FAM20A: variants seen among roughly 807,000 people sequenced by gnomAD.
The protein encoded by FAM20A is FAM20A golgi associated secretory pathway pseudokinase.
A neutral mutation model predicts 52.0 loss-of-function variants in FAM20A; 42 were observed. That is an observed-to-expected ratio of 0.81 (90% confidence interval 0.63 to 1.04). The LOEUF is 1.04. Among genes scored for constraint, FAM20A ranks in the 50% least tolerant of loss-of-function variants. FAM20A has a pLI of 0.00. For missense variants in FAM20A, 742 were observed against 712.7 expected (o/e 1.04, Z -0.47); for synonymous variants, 304 against 298.9 (o/e 1.02, Z -0.18).
intron 1 of FAM20A, among the ~76,000 whole-genome samples, chr17:68,562,052 C>G (rs8073895): frequency 0.37 from 56,060 of 152,002 alleles, 10,739 homozygotes; most frequent in East Asian, 0.55. Context: ...TTGAACTCCT[C>G]ATCTCAGGTG....
intron 2 of FAM20A, 68 bp downstream of exon 2, chr17:68,555,491 C>G: frequency 6.4e-7 from 1 of 1,571,970 alleles, no homozygotes; most frequent in Non-Finnish European, 8.7e-7. Context: ...GGAGCCTAGC[C>G]TGGGATGCTT....
chr17:68,538,556 T>TA (rs1430509046), intron 10 of FAM20A, among the ~76,000 whole-genome samples: 1 of 152,220 alleles, frequency 6.6e-6, no homozygotes, highest in African/African-American at 2.4e-5. Context: ...GGAAGTAAGT[T>TA]AGACATTCTC....
At chr17:68,598,616 T>C (rs1451927109) in intron 1 of FAM20A, among the ~76,000 whole-genome samples, 1 of 151,834 alleles carries the variant, frequency 6.6e-6, no homozygotes, top group Non-Finnish European at 1.5e-5. Flanking sequence ...TTTTTGCGAG[T>C]TTTTTTTGTC....
rs561708261 is a variant in FAM20A, at chr17:68,555,820, T to G, written c.405-77A>C. The G allele has an allele frequency of 2.7e-6, 4 of 1,488,838 alleles. No individual in the cohort carries two copies. The Admixed American group carries it at 6.8e-5, about 25-fold the overall frequency. 92.2% of individuals were successfully genotyped at this position (1,488,838 alleles called of 1,614,324 possible). A position where few individuals can be genotyped will look rare whatever the true frequency, so the allele number is the denominator to read the frequency against. ...CCAAGATACCTTGTCTGCAGTTTTT[T>G]ATTCATCCTTTCATTTATTCCACAA... On this transcript the variant is annotated intron_variant, in intron 1 of 10. Transcript: ENST00000592554.
At chr17:68,572,368 A>G (rs1409335189) in intron 1 of FAM20A, among the ~76,000 whole-genome samples, 5 of 152,136 alleles carry the variant, frequency 3.3e-5, no homozygotes, top group African/African-American at 1.2e-4. Context: ...TGCAATTCAC[A>G]ATCCAGGCGT....
Position 68,539,944 on chromosome 17 carries a change from A to G in FAM20A, c.1242T>C (p.Tyr414=), listed in dbSNP as rs200680124. Residue 414 remains tyrosine, a synonymous_variant, in exon 9 of 11, where the codon TAT becomes TAC. Transcript: ENST00000592554. ...CATCCCCGAACTTGGTGAACATCTC[A>G]TAATGGTGCCGGTCCATATTCCCTG... The part of the protein sequence containing the change: ...FLIGNMDRHH[Y]EMFTKFGDDG... 21 of 1,567,312 alleles carry G rather than the reference A, an allele frequency of 1.3e-5. No homozygotes were observed. The Admixed American group carries it at 3.4e-4, about 25-fold the overall frequency.
intron 1 of FAM20A, among the ~76,000 whole-genome samples, chr17:68,596,102 C>G (rs996674946): frequency 6.6e-6 from 1 of 152,012 alleles, no homozygotes; most frequent in Admixed American, 6.6e-5. Flanking sequence ...AGTCTCTTTG[C>G]GGTGATTTTC....
intron 1 of FAM20A, among the ~76,000 whole-genome samples, chr17:68,590,610 A>G (rs1273549565): frequency 2.6e-5 from 4 of 152,266 alleles, no homozygotes; most frequent in Admixed American, 1.3e-4. Context: ...AGTTGGTATA[A>G]AAAGTCTGCA....
Position 68,581,368 on chromosome 17 carries a change from T to TTCTTTCTTTC in FAM20A, c.404+18885_404+18894dup, listed in dbSNP as rs1487319836. Reference sequence around the variant, plus strand: ...ATGCAGTTTTTCTTTCTTTCTTTCTTTCTTTCTTTCTTTCTTTCTTTCTTT... The same window carrying TTCTTTCTTTC: ...ATGCAGTTTTTCTTTCTTTCTTTCTTTCTTTCTTTCTCTTTCTTTCTTTCTTTCTTTCTTT... On this transcript the variant is annotated intron_variant, in intron 1 of 10. Coordinates refer to ENST00000592554, the MANE Select transcript of FAM20A (RefSeq NM_017565.4). Among the ~76,000 whole-genome samples, 10 of 139,430 alleles carry TTCTTTCTTTC rather than the reference T, an allele frequency of 7.2e-5. No homozygotes were observed. In the East Asian group the frequency reaches 2.1e-3, roughly 29 times the overall value. 91.5% of individuals were successfully genotyped at this position (139,430 alleles called of 152,430 possible). A position where few individuals can be genotyped will look rare whatever the true frequency, so the allele number is the denominator to read the frequency against.
At chr17:68,597,286 TG>T (rs1276218750) in intron 1 of FAM20A, among the ~76,000 whole-genome samples, 7 of 152,178 alleles carry the variant, frequency 4.6e-5, no homozygotes, top group Non-Finnish European at 8.8e-5. Context: ...AACACTGATT[TG>T]GCTTATTTTA....
chr17:68,539,282 G>T, intron 10 of FAM20A, 55 bp downstream of exon 10: 1 of 1,584,552 alleles, frequency 6.3e-7, no homozygotes, highest in East Asian at 2.2e-5. Flanking sequence ...GCTGCAAGCA[G>T]CATGAAGGGT....
At position 68,542,753 on chromosome 17, in the gene FAM20A, T is replaced by C. The variant is rs2143510159; in HGVS notation, c.869A>G (p.Lys290Arg). Reference protein sequence around the residue: ...PTVGRIVNVTKEILEVTKNEI... With the variant: ...PTVGRIVNVTREILEVTKNEI... ...ATTCTTGGTGACCTCTAGGATTTCC[T>C]TGGTGACATTTACTATCCTCCCCAC... is the stretch of plus-strand genomic sequence containing the variant. Residue 290 changes from lysine (K) to arginine (R), a missense_variant, in exon 6 of 11, where the codon AAG becomes AGG. Transcript: ENST00000592554. The C allele has an allele frequency of 6.2e-7, 1 of 1,614,196 alleles. No homozygotes were observed. The highest frequency in any genetic ancestry group is 8.5e-7 in the Non-Finnish European group (1 of 1,180,028).
intron 4 of FAM20A, among the ~76,000 whole-genome samples, chr17:68,550,285 A>G (rs1416999766): frequency 1.3e-5 from 2 of 151,028 alleles, no homozygotes; most frequent in African/African-American, 4.9e-5. Context: ...CAGACATTCA[A>G]TTGTCTCATG....
chr17:68,541,074 G>C, intron 7 of FAM20A, 116 bp from the exon 8 acceptor site: 1 of 1,483,074 alleles, frequency 6.7e-7, no homozygotes, highest in Non-Finnish European at 9.1e-7. Flanking sequence ...GCCCTGGGCT[G>C]GTGGCAGCTT....
chr17:68,537,411 G>A lies in FAM20A; in HGVS notation c.*66C>T, dbSNP rs1312832434. 6.2e-7 allele frequency: 1 copy of A among 1,604,442 alleles called. No homozygotes were observed. ...AGTAACAGGTGGGAGTGAGGACGCA[G>A]GGTCGGCACTCGAGTCGACTGCTCT... On this transcript the variant is annotated 3_prime_UTR_variant, in exon 11 of 11. Transcript: ENST00000592554. This position sits in a 1 kb window ranked among gnomAD's most constrained non-coding sequence, Gnocchi z 4.2.
In FAM20A at chr17:68,541,035, G is replaced by GC. The variant is rs950731551; in HGVS notation, c.1110-78dup. The GC allele has an allele frequency of 2.8e-4, 429 of 1,542,798 alleles. 1 individual carries two copies. Among genetic ancestry groups the GC allele is most frequent in the East Asian group, 2.0e-3 (80 of 40,664 alleles). On this transcript the variant is annotated intron_variant, in intron 7 of 10. Coordinates refer to ENST00000592554, the MANE Select transcript of FAM20A (RefSeq NM_017565.4). ...CGGGGGTCTCCCCACACCTCCCCCT[G>GC]CCCCCCCAATCCCTGCCTCCCTGAT... is the stretch of plus-strand genomic sequence containing the variant.
rs929230669 is a variant in FAM20A, at chr17:68,600,932, G to A, written c.-266C>T. ...GTGAGCCGAGGGAATGGGGTTCCCGGGGTGCCCGCTTCTTGCGCCTTTTCT... is the reference window on the plus strand; with the variant it reads ...GTGAGCCGAGGGAATGGGGTTCCCGAGGTGCCCGCTTCTTGCGCCTTTTCT... On this transcript the variant is annotated 5_prime_UTR_variant, in exon 1 of 11. Coordinates refer to ENST00000592554, the MANE Select transcript of FAM20A (RefSeq NM_017565.4). The surrounding 1 kb of genome is among the most constrained non-coding windows in gnomAD (Gnocchi z 6.2). 3 of 417,986 alleles carry A rather than the reference G, an allele frequency of 7.2e-6. No individual in the cohort carries two copies. The highest frequency in any genetic ancestry group is 4.4e-5 in the Admixed American group (1 of 22,638). 25.9% of individuals were successfully genotyped at this position (417,986 alleles called of 1,614,324 possible). A position where few individuals can be genotyped will look rare whatever the true frequency, so the allele number is the denominator to read the frequency against.
intron 4 of FAM20A, among the ~76,000 whole-genome samples, chr17:68,546,207 A>G (rs1284621816): frequency 1.3e-5 from 2 of 149,246 alleles, no homozygotes; most frequent in African/African-American, 2.5e-5. Flanking sequence ...CAGCAACTCT[A>G]TCTGTTCAAG....
intron 1 of FAM20A, among the ~76,000 whole-genome samples, chr17:68,561,218 C>T (rs1382784040): frequency 6.6e-6 from 1 of 152,182 alleles, no homozygotes; most frequent in Non-Finnish European, 1.5e-5. Context: ...GTTGAAATTA[C>T]AAGAATAAGA....
Sources: allele counts gnomAD v4.1 joint callset (sites outside exome capture counted in the v4.1 genomes callset), GRCh38; gene constraint gnomAD v4.1.1; non-coding constraint Gnocchi (gnomAD v3.1); transcripts MANE v1.5; gene names NCBI Gene and HGNC (gene_info 2026-07-23, HGNC 2026-07-21).